KIRREL3: variants seen among roughly 807,000 people sequenced by gnomAD.
The protein encoded by KIRREL3 is kirre like nephrin family adhesion molecule 3.
Under a neutral mutation model 89.7 loss-of-function variants are expected in KIRREL3, and 36 were observed. That is an observed-to-expected ratio of 0.40 (90% CI 0.31 to 0.53). KIRREL3 has a LOEUF of 0.53. Among genes scored for constraint, KIRREL3 ranks in the 20% least tolerant of loss-of-function variants. KIRREL3 has a pLI of 0.49. For missense variants in KIRREL3, 864 were observed against 1,056.6 expected, an observed-to-expected ratio of 0.82 and a Z score of 2.53; for synonymous variants, 445 against 441.4, an observed-to-expected ratio of 1.01 and a Z score of -0.10.
In KIRREL3 at chr11:126,490,239, G is replaced by T. The variant is rs894830105; in HGVS notation, c.434-16773C>A. Among the ~76,000 whole-genome samples, 4 of 151,098 alleles carry T rather than the reference G, an allele frequency of 2.6e-5. No homozygotes were observed. Among genetic ancestry groups the T allele is most frequent in the African/African-American group, 7.3e-5 (3 of 41,122 alleles). ...GTGTGTGTGTGTGTGTGGCGGGGGC[G>T]GGGGAGGCAAGGCAGCTTTACTTTC... On this transcript the variant is annotated intron_variant, in intron 4 of 16. Coordinates refer to ENST00000525144, the MANE Select transcript of KIRREL3 (RefSeq NM_032531.4). The surrounding 1 kb of genome is among the most constrained non-coding windows in gnomAD (Gnocchi z 4.2).
At chr11:126,785,026 G>A (rs997906821) in intron 1 of KIRREL3, among the ~76,000 whole-genome samples, 1 of 152,142 alleles carries the variant, frequency 6.6e-6, no homozygotes, top group Non-Finnish European at 1.5e-5. Flanking sequence ...TGTGTTAAGG[G>A]GGATAGTGTT....
At chr11:126,751,895 G>T (rs1015748264) in intron 1 of KIRREL3, among the ~76,000 whole-genome samples, 1 of 152,132 alleles carries the variant, frequency 6.6e-6, no homozygotes, top group African/African-American at 2.4e-5. Context: ...TAGAGATGGG[G>T]TTTTGCTATG....
chr11:126,492,290 C>T lies in KIRREL3; in HGVS notation c.434-18824G>A, dbSNP rs538700229. Among the ~76,000 whole-genome samples, 3 of 152,180 alleles carry T rather than the reference C, an allele frequency of 2.0e-5. No individual in the cohort carries two copies. The highest frequency in any genetic ancestry group is 4.4e-5 in the Non-Finnish European group (3 of 68,036). Reference sequence around the variant, plus strand: ...CAGCTGGGGAAGGGAGGTCAGGCCTCTTTTTCCCAAGCCTGTTCCCCTACC... The same window carrying T: ...CAGCTGGGGAAGGGAGGTCAGGCCTTTTTTTCCCAAGCCTGTTCCCCTACC... On this transcript the variant is annotated intron_variant, in intron 4 of 16. Coordinates refer to ENST00000525144, the MANE Select transcript of KIRREL3 (RefSeq NM_032531.4). This position sits in a 1 kb window ranked among gnomAD's most constrained non-coding sequence, Gnocchi z 4.8.
chr11:126,969,577 G>A lies in KIRREL3; in HGVS notation c.55+30878C>T, dbSNP rs1445934217. Reference sequence around the variant, plus strand: ...TCAGAGCCAGCCAAGCAATCCCACAGGAGAACACAAGAAATATCCCCACGG... The same window carrying A: ...TCAGAGCCAGCCAAGCAATCCCACAAGAGAACACAAGAAATATCCCCACGG... On this transcript the variant is annotated intron_variant, in intron 1 of 16. Coordinates refer to ENST00000525144, the MANE Select transcript of KIRREL3 (RefSeq NM_032531.4). This position sits in a 1 kb window ranked among gnomAD's most constrained non-coding sequence, Gnocchi z 4.9. Among the ~76,000 whole-genome samples, 2 of 152,138 alleles carry A rather than the reference G, an allele frequency of 1.3e-5. No individual in the cohort carries two copies. The highest frequency in any genetic ancestry group is 2.9e-5 in the Non-Finnish European group (2 of 68,030).
At chr11:126,838,989 G>A (rs1183267630) in intron 1 of KIRREL3, among the ~76,000 whole-genome samples, 1 of 152,176 alleles carries the variant, frequency 6.6e-6, no homozygotes, top group African/African-American at 2.4e-5. Context: ...GCATACCAAG[G>A]AAGAAGAGGT....
In KIRREL3 at chr11:126,897,720, G is replaced by A. The variant is rs186757967; in HGVS notation, c.55+102735C>T. On this transcript the variant is annotated intron_variant, in intron 1 of 16. Coordinates refer to ENST00000525144, the MANE Select transcript of KIRREL3 (RefSeq NM_032531.4). The surrounding 1 kb of genome is among the most constrained non-coding windows in gnomAD (Gnocchi z 4.2). ...CCACTTTGATTTCATCTCCAGTTTC[G>A]GACGAGCAGCAGTACAACATGCAGC... is the stretch of plus-strand genomic sequence containing the variant. 5.9e-5 allele frequency among the ~76,000 whole-genome samples: 9 copies of A among 152,218 alleles called. No homozygotes were observed. The highest frequency in any genetic ancestry group is 4.2e-4 in the South Asian group (2 of 4,814).
rs572757918 is a variant in KIRREL3 at position 126,739,654 on chromosome 11, C to T, written c.56-176742G>A. Among the ~76,000 whole-genome samples the T allele has an allele frequency of 6.6e-6, 1 of 152,268 alleles. No homozygotes were observed. The highest frequency in any genetic ancestry group is 2.1e-4 in the South Asian group (1 of 4,824). ...GGCAGGAGTGAGGAGAAGGAAACCA[C>T]AGTTAAGGTATGTGTGGAGGTACTA... On this transcript the variant is annotated intron_variant, in intron 1 of 16. Transcript: ENST00000525144. This position sits in a 1 kb window ranked among gnomAD's most constrained non-coding sequence, Gnocchi z 5.5.
chr11:126,616,674 C>A (rs1294183890), intron 1 of KIRREL3, among the ~76,000 whole-genome samples: 1 of 152,204 alleles, frequency 6.6e-6, no homozygotes, highest in African/African-American at 2.4e-5. Context: ...TAAAGTCTTG[C>A]TCTGTCACCC....
At chr11:127,001,892 G>A (rs1043335236), upstream of KIRREL3, among the ~76,000 whole-genome samples, 2 of 152,078 alleles carry the variant, frequency 1.3e-5, no homozygotes, top group Non-Finnish European at 2.9e-5. Flanking sequence ...TATGCACTGT[G>A]AGAAGGAGAG....
chr11:126,914,958 C>G (rs900444033), intron 1 of KIRREL3, among the ~76,000 whole-genome samples: 1 of 152,210 alleles, frequency 6.6e-6, no homozygotes, highest in Admixed American at 6.5e-5. Flanking sequence ...CCACAAACAA[C>G]TTGGCAGATG....
At chr11:126,869,434 G>A (rs904911362) in intron 1 of KIRREL3, among the ~76,000 whole-genome samples, 1 of 152,196 alleles carries the variant, frequency 6.6e-6, no homozygotes, top group African/African-American at 2.4e-5. Context: ...TCTGACATGA[G>A]TTACTGGCAC....
Position 126,429,570 on chromosome 11 carries a change from C to T in KIRREL3, c.1697-282G>A, listed in dbSNP as rs919247512. ...GAAAGATCGTCTTCAGCCACTTGTC[C>T]GCCTTACTGAGCTAGGTCCTTTTCA... On this transcript the variant is annotated intron_variant, in intron 14 of 16. Coordinates refer to ENST00000525144, the MANE Select transcript of KIRREL3 (RefSeq NM_032531.4). The surrounding 1 kb of genome is among the most constrained non-coding windows in gnomAD (Gnocchi z 5.2). 2.6e-5 allele frequency among the ~76,000 whole-genome samples: 4 copies of T among 152,230 alleles called. No individual in the cohort carries two copies. The highest frequency in any genetic ancestry group is 2.1e-4 in the South Asian group (1 of 4,830).
intron 1 of KIRREL3, among the ~76,000 whole-genome samples, chr11:126,613,893 T>TTTTTTTTTTTTTTTTTTTTG (rs371748740): frequency 8.4e-5 from 10 of 118,640 alleles, no homozygotes; most frequent in Non-Finnish European, 1.2e-4. Flanking sequence ...TTTTTTTTTT[T>TTTTTTTTTTTTTTTTTTTTG]ATTTTTTTCC....
chr11:126,684,265 A>T lies in KIRREL3; in HGVS notation c.56-121353T>A, dbSNP rs1214645793. On this transcript the variant is annotated intron_variant, in intron 1 of 16. Coordinates refer to ENST00000525144, the MANE Select transcript of KIRREL3 (RefSeq NM_032531.4). This position sits in a 1 kb window ranked among gnomAD's most constrained non-coding sequence, Gnocchi z 4.2. ...CTGGGAAAGCCCCTGGGCTTGCTGG[A>T]CCCATTTCTGCCCTTCTGAAAGCGG... Among the ~76,000 whole-genome samples, 6 of 152,126 alleles carry T rather than the reference A, an allele frequency of 3.9e-5. No individual in the cohort carries two copies. The highest frequency in any genetic ancestry group is 8.8e-5 in the Non-Finnish European group (6 of 68,024).
rs751029688 is a variant in KIRREL3, at chr11:126,435,231, C to A, written c.1588+37G>T. The A allele has an allele frequency of 2.7e-5, 43 of 1,611,374 alleles. No homozygotes were observed. In the Admixed American group the frequency reaches 7.2e-4, roughly 27 times the overall value. ...CCAGCTAGCCAGGAAGTCCCTTCCC[C>A]CCTTCCCAGGGCCATTCTCATCATC... On this transcript the variant is annotated intron_variant, in intron 13 of 16. Transcript: ENST00000525144.
chr11:126,855,822 C>T (rs955431750), intron 1 of KIRREL3, among the ~76,000 whole-genome samples: 1 of 152,202 alleles, frequency 6.6e-6, no homozygotes, highest in Non-Finnish European at 1.5e-5. Flanking sequence ...TTCCCTCCCA[C>T]CACCATCTCT....
At chr11:126,559,931 C>T (rs57127757) in intron 2 of KIRREL3, among the ~76,000 whole-genome samples, 26,831 of 152,040 alleles carry the variant, frequency 0.18, 2,534 homozygotes, top group Non-Finnish European at 0.2. Flanking sequence ...GATCTGCCTG[C>T]CTTGGCCTCT....
rs1442858433 is a variant in KIRREL3 at position 126,655,666 on chromosome 11, G to C, written c.56-92754C>G. Among the ~76,000 whole-genome samples, 1 of 152,162 alleles carries C rather than the reference G, an allele frequency of 6.6e-6. No individual in the cohort carries two copies. The highest frequency in any genetic ancestry group is 6.5e-5 in the Admixed American group (1 of 15,286). On this transcript the variant is annotated intron_variant, in intron 1 of 16. Transcript: ENST00000525144. This position sits in a 1 kb window ranked among gnomAD's most constrained non-coding sequence, Gnocchi z 5.0. ...GGAGCAGTGTGTGCCCGTCCACCCT[G>C]GGAGAGGCTTATGAAGGCTGTGTCT...
intron 1 of KIRREL3, chr11:126,935,639 A>G (rs1948152786): frequency 6.6e-6 from 1 of 152,248 alleles, no homozygotes; most frequent in Non-Finnish European, 1.5e-5. Context: ...AAGGCTACAC[A>G]TACTATATGA....
Sources: gnomAD v4.1 joint callset for allele counts (sites outside exome capture counted in the v4.1 genomes callset) on GRCh38, gnomAD v4.1.1 for gene constraint, Gnocchi (gnomAD v3.1) non-coding constraint, MANE v1.5 for transcripts, NCBI Gene and HGNC (gene_info 2026-07-23, HGNC 2026-07-21) for gene names.